WDFY4: variants seen among roughly 807,000 people sequenced by gnomAD.
The protein encoded by WDFY4 is WDFY family member 4, also known as WD repeat- and FYVE domain-containing protein 4.
WDFY4 carries 169 observed loss-of-function variants against 351.9 expected under a neutral mutation model. The observed-to-expected ratio is 0.48, with a 90% CI of 0.42 to 0.55. The LOEUF (loss-of-function observed/expected upper bound fraction) is 0.55. Ranked by LOEUF, WDFY4 falls within the 20% of genes least tolerant of loss-of-function variation. WDFY4 has a pLI of 0.00. For missense variants in WDFY4, 3,803 were observed against 3,935.6 expected, an observed-to-expected ratio of 0.97 and a Z score of 0.90; for synonymous variants, 1,622 against 1,574.6, an observed-to-expected ratio of 1.03 and a Z score of -0.71.
chr10:48,866,532 A>G (rs1264784903), intron 39 of WDFY4, among the ~76,000 whole-genome samples: 1 of 152,176 alleles, frequency 6.6e-6, no homozygotes, highest in South Asian at 2.1e-4. Context: ...GAAAATTTGC[A>G]TGTATCTCAA....
chr10:48,942,247 G>A (rs1272262562), intron 48 of WDFY4, among the ~76,000 whole-genome samples: 2 of 152,212 alleles, frequency 1.3e-5, no homozygotes, highest in African/African-American at 4.8e-5. Flanking sequence ...TTACAGGCAT[G>A]AGCCACTGTG....
At chr10:48,846,370 T>A (rs970679197) in intron 39 of WDFY4, among the ~76,000 whole-genome samples, 1 of 152,234 alleles carries the variant, frequency 6.6e-6, no homozygotes, top group Non-Finnish European at 1.5e-5. Context: ...CTCTCCAGCC[T>A]GGCTGTGAGC....
chr10:48,796,000 G>A (rs1482146808), intron 23 of WDFY4, among the ~76,000 whole-genome samples: 1 of 152,120 alleles, frequency 6.6e-6, no homozygotes, highest in Non-Finnish European at 1.5e-5. Flanking sequence ...GCATGTAAAG[G>A]ACCCAGTAAC....
Position 48,721,266 on chromosome 10 carries a change from G to T in WDFY4, c.355G>T (p.Ala119Ser). 2 of 1,551,674 alleles carry T rather than the reference G, an allele frequency of 1.3e-6. No homozygotes were observed. Among genetic ancestry groups the T allele is most frequent in the Admixed American group, 2.0e-5 (1 of 50,992 alleles). ...KALVGKPAEQ[A>S]RLAAGQLLWW... is the part of the protein sequence containing the mutation. ...CTGGTGACACTTTCTTCCAGAGCAA[G>T]CTCGGTTGGCAGCTGGACAGTTGCT... The change falls in exon 4 of 62, where the codon GCT becomes TCT. Residue 119 changes from alanine to serine, a missense_variant. Physicochemically the swap from Ala to Ser is moderately conservative, Grantham distance 99. Coordinates refer to ENST00000325239, the MANE Select transcript of WDFY4 (RefSeq NM_001394531.1).
At position 48,860,792 on chromosome 10, in the gene WDFY4, A is replaced by G. The variant is rs546055061; in HGVS notation, c.6664-6473A>G. On this transcript the variant is annotated intron_variant, in intron 39 of 61. Transcript: ENST00000325239. Reference sequence around the variant, plus strand: ...TGAGACTTCTTTTTTGACACAGATTAAAGTCTATTGTTAGTTCCTAAGAGT... The same window carrying G: ...TGAGACTTCTTTTTTGACACAGATTGAAGTCTATTGTTAGTTCCTAAGAGT... 1.5e-3 allele frequency among the ~76,000 whole-genome samples: 230 copies of G among 152,304 alleles called. 1 individual carries two copies. The highest frequency in any genetic ancestry group is 5.1e-3 in the African/African-American group (214 of 41,574).
chr10:48,938,087 T>C (rs1192266117), intron 47 of WDFY4, among the ~76,000 whole-genome samples: 1 of 152,248 alleles, frequency 6.6e-6, no homozygotes, highest in East Asian at 1.9e-4. Flanking sequence ...AAGCAAATTT[T>C]CTTCTCATTG....
chr10:48,963,914 G>A lies in WDFY4; in HGVS notation c.8296G>A (p.Gly2766Arg). The change falls in exon 54 of 62, where the codon GGG becomes AGG. Residue 2766 changes from glycine to arginine, a missense_variant. Physicochemically the swap from Gly to Arg is moderately radical, Grantham distance 125. Transcript: ENST00000325239. The stretch of plus-strand genomic sequence containing the variant: ...CCTTATTTTTGGGTACAAGCAGCAG[G>A]GGCCAGCCGCAGTGGATGCTGTTAA... ...IDLIFGYKQQ[G>R]PAAVDAVNIF... 6.4e-7 allele frequency: 1 copy of A among 1,551,510 alleles called. No homozygotes were observed. Among genetic ancestry groups the A allele is most frequent in the Non-Finnish European group, 8.7e-7 (1 of 1,146,988 alleles).
At position 48,705,991 on chromosome 10, in the gene WDFY4, T is replaced by C. The variant is rs576778127; in HGVS notation, c.-17-3725T>C. Among the ~76,000 whole-genome samples the C allele has an allele frequency of 2.6e-5, 4 of 152,324 alleles. No homozygotes were observed. In the South Asian group the frequency reaches 8.3e-4, roughly 32 times the overall value. ...TATATGGTAGAGACAACACTAAGCT[T>C]GCTGTTACCATGGCTTGGGGCTGGC... On this transcript the variant is annotated intron_variant, in intron 1 of 61. Coordinates refer to ENST00000325239, the MANE Select transcript of WDFY4 (RefSeq NM_001394531.1).
chr10:48,909,633 G>A (rs1837827464), intron 47 of WDFY4: 2 of 152,354 alleles, frequency 1.3e-5, no homozygotes, highest in African/African-American at 4.8e-5. Context: ...GAGGAAGAGA[G>A]AGAGAGGAGA....
intron 12 of WDFY4, among the ~76,000 whole-genome samples, chr10:48,754,564 A>G (rs1299236191): frequency 1.3e-5 from 2 of 151,356 alleles, no homozygotes; most frequent in Non-Finnish European, 2.9e-5. Flanking sequence ...CTTATTCATT[A>G]TGATATTATT....
intron 11 of WDFY4, among the ~76,000 whole-genome samples, chr10:48,739,515 A>G (rs1343352429): frequency 6.6e-6 from 1 of 152,200 alleles, no homozygotes; most frequent in African/African-American, 2.4e-5. Flanking sequence ...CCCGAAGTAG[A>G]GAAGTATTTA....
At chr10:48,813,444 A>T (rs1051248126) in intron 30 of WDFY4, among the ~76,000 whole-genome samples, 8 of 152,120 alleles carry the variant, frequency 5.3e-5, no homozygotes, top group Admixed American at 5.2e-4. Context: ...ATTTTGCTTG[A>T]TATTTAAACA....
intron 12 of WDFY4, among the ~76,000 whole-genome samples, chr10:48,752,049 C>A (rs897965287): frequency 6.6e-6 from 1 of 152,154 alleles, no homozygotes; most frequent in Non-Finnish European, 1.5e-5. Flanking sequence ...CCCACAGGTC[C>A]CTTGCGAGAT....
intron 44 of WDFY4, among the ~76,000 whole-genome samples, chr10:48,891,649 A>G (rs1363530878): frequency 1.3e-5 from 2 of 152,234 alleles, no homozygotes; most frequent in Non-Finnish European, 2.9e-5. Context: ...TTGTTAGCAC[A>G]CAGATGCCTG....
In WDFY4 at chr10:48,970,329, A is replaced by G. The variant is rs566298971; in HGVS notation, c.8928+40A>G. ...GTGCAGGTGCGGTCCTCAGGTGGGG[A>G]CAGTACTTCATGTAGGGACAAAACC... On this transcript the variant is annotated intron_variant, in intron 57 of 61. Transcript: ENST00000325239. The G allele has an allele frequency of 1.5e-4, 226 of 1,540,232 alleles. No homozygotes were observed. In the African/African-American group the frequency reaches 2.7e-3, roughly 18 times the overall value.
At chr10:48,794,506 A>G (rs767706476) in intron 23 of WDFY4, among the ~76,000 whole-genome samples, 2 of 152,166 alleles carry the variant, frequency 1.3e-5, no homozygotes, top group Non-Finnish European at 2.9e-5. Flanking sequence ...TATGAGGGTC[A>G]TCGCCACCAT....
chr10:48,906,748 C>A (rs577941749), intron 47 of WDFY4, among the ~76,000 whole-genome samples: 1 of 152,204 alleles, frequency 6.6e-6, no homozygotes, highest in Admixed American at 6.5e-5. Context: ...GGGCTACAGA[C>A]AGCTTCAAAA....
chr10:48,914,665 T>C (rs1261526717), intron 47 of WDFY4, among the ~76,000 whole-genome samples: 1 of 152,188 alleles, frequency 6.6e-6, no homozygotes, highest in East Asian at 1.9e-4. Context: ...CCAGCCAACA[T>C]AAGCCTGGAT....
At chr10:48,879,272 G>A (rs577712010) in intron 43 of WDFY4, among the ~76,000 whole-genome samples, 1 of 152,328 alleles carries the variant, frequency 6.6e-6, no homozygotes, top group Admixed American at 6.5e-5. Context: ...TAATTGCCAT[G>A]GCCAGGGCGA....
Sources: allele counts gnomAD v4.1 joint callset (sites outside exome capture counted in the v4.1 genomes callset), GRCh38; gene constraint gnomAD v4.1.1; transcripts MANE v1.5; gene names NCBI Gene and HGNC (gene_info 2026-07-23, HGNC 2026-07-21).